DNASE2B: variants seen among roughly 807,000 people sequenced by gnomAD.
DNASE2B encodes deoxyribonuclease 2 beta, also known as deoxyribonuclease-2-beta.
DNASE2B carries 43 observed loss-of-function variants against 46.0 expected under a neutral mutation model. That is an observed-to-expected ratio of 0.94 (90% CI 0.73 to 1.21). The LOEUF is 1.21. Among genes scored for constraint, DNASE2B ranks in the 50% most tolerant of loss-of-function variants. The probability of loss-of-function intolerance (pLI) is 0.00; values close to 1 mark genes in which losing one functional copy is unlikely to be tolerated. For missense variants in DNASE2B, 395 were observed against 414.4 expected (o/e 0.95, Z 0.41); for synonymous variants, 156 against 152.5 (o/e 1.02, Z -0.17).
At chr1:84,412,647 T>A in intron 5 of DNASE2B, 101 bp downstream of exon 5, 4 of 1,168,228 alleles carry the variant, frequency 3.4e-6, no homozygotes, top group Admixed American at 2.7e-5. Flanking sequence ...GAAAGAGAGA[T>A]GAAAAAAGGG....
chr1:84,402,627 T>C lies in DNASE2B; in HGVS notation c.303+549T>C, dbSNP rs376241151. ...CTGGATGGAGATTATCCCTGCTATA[T>C]CTGGACTTTATCAGGCAATGAGCTA... On this transcript the variant is annotated intron_variant, in intron 2 of 5. Transcript: ENST00000370665. Among the ~76,000 whole-genome samples the C allele has an allele frequency of 5.9e-5, 9 of 152,274 alleles. No homozygotes were observed. The East Asian group carries it at 1.2e-3, about 20-fold the overall frequency.
chr1:84,398,666 T>C lies in DNASE2B; in HGVS notation c.102T>C (p.Asn34=), dbSNP rs574718107. 2.5e-6 allele frequency: 4 copies of C among 1,613,702 alleles called. No homozygotes were observed. In the South Asian group the frequency reaches 3.3e-5, roughly 13 times the overall value. The change falls in exon 1 of 6, where the codon AAT becomes AAC. Residue 34 remains asparagine (N), a synonymous_variant. Coordinates refer to ENST00000370665, the MANE Select transcript of DNASE2B (RefSeq NM_021233.3). ...VLGAATISCR[N]EEGKAVDWFT... is the part of the protein sequence containing the mutation. The stretch of plus-strand genomic sequence containing the variant: ...GGGCAGCAACAATTTCATGCAGAAA[T>C]GAAGAAGGGAAAGCTGTGGACTGGT...
intron 4 of DNASE2B, among the ~76,000 whole-genome samples, chr1:84,412,053 C>T (rs974612104): frequency 1.3e-5 from 2 of 152,220 alleles, no homozygotes; most frequent in East Asian, 1.9e-4. Flanking sequence ...TCAGTTAATT[C>T]ATCTATAAAG....
chr1:84,406,898 G>A (rs181051167), intron 2 of DNASE2B, among the ~76,000 whole-genome samples: 5 of 152,274 alleles, frequency 3.3e-5, no homozygotes, highest in Admixed American at 3.3e-4. Flanking sequence ...CCCTTCTCTT[G>A]CCTTTACAAA....
intron 2 of DNASE2B, among the ~76,000 whole-genome samples, chr1:84,403,053 C>T (rs762301377): frequency 6.6e-6 from 1 of 152,132 alleles, no homozygotes; most frequent in Non-Finnish European, 1.5e-5. Flanking sequence ...GCCTTCAGAG[C>T]CAAGCTACAA....
chr1:84,399,835 G>A (rs920969852), intron 1 of DNASE2B, among the ~76,000 whole-genome samples: 8 of 152,140 alleles, frequency 5.3e-5, no homozygotes, highest in African/African-American at 9.7e-5. Context: ...AGGACTTCAC[G>A]CAGGGGTGTG....
chr1:84,398,498 C>G lies in DNASE2B; in HGVS notation c.-67C>G. ...AATCAAACGTCAGAGCCAGCACAGC[C>G]TGAGAGCGCCTTGAAACTCAGACTC... is the stretch of plus-strand genomic sequence containing the variant. On this transcript the variant is annotated 5_prime_UTR_variant, in exon 1 of 6. Transcript: ENST00000370665. 1 of 1,594,994 alleles carries G rather than the reference C, an allele frequency of 6.3e-7. No homozygotes were observed. The highest frequency in any genetic ancestry group is 8.6e-7 in the Non-Finnish European group (1 of 1,169,050).
chr1:84,412,671 GA>G, intron 5 of DNASE2B, 125 bp downstream of exon 5: 2 of 1,015,458 alleles, frequency 2.0e-6, no homozygotes, highest in Non-Finnish European at 2.7e-6. Context: ...AAAAGAAAAG[GA>G]AAAAGGAAAG....
rs755623199 is a variant in DNASE2B at position 84,414,531 on chromosome 1, T to C, written c.749T>C (p.Ile250Thr). The change falls in exon 6 of 6, where the codon ATC (isoleucine) becomes ACC (threonine). Residue 250 changes from isoleucine (I) to threonine (T), a missense_variant. Transcript: ENST00000370665. Reference protein sequence around the residue: ...FAKSDSFLDDIFAAWMAQRLK... With the variant: ...FAKSDSFLDDTFAAWMAQRLK... Reference sequence around the variant, plus strand: ...TCTTTCTCCTCCTAAACCCTAGACATCTTTGCAGCCTGGATGGCTCAACGG... The same window carrying C: ...TCTTTCTCCTCCTAAACCCTAGACACCTTTGCAGCCTGGATGGCTCAACGG... 1.2e-6 allele frequency: 2 copies of C among 1,604,888 alleles called. No individual in the cohort carries two copies. Among genetic ancestry groups the C allele is most frequent in the Admixed American group, 3.4e-5 (2 of 59,030 alleles).
intron 2 of DNASE2B, among the ~76,000 whole-genome samples, chr1:84,406,198 C>T (rs1026046842): frequency 6.6e-6 from 1 of 152,018 alleles, no homozygotes; most frequent in Admixed American, 6.6e-5. Context: ...AATGAAAACG[C>T]CTGCAGCTGC....
chr1:84,402,094 A>G lies in DNASE2B; in HGVS notation c.303+16A>G, dbSNP rs759146904. On this transcript the variant is annotated intron_variant, in intron 2 of 5. Transcript: ENST00000370665. ...TGCCTCTAAGGTATGTTATATAGTT[A>G]ATTGTTCACTTGAATAATATAAAAT... 5.7e-6 allele frequency: 9 copies of G among 1,576,286 alleles called. No homozygotes were observed. The highest frequency in any genetic ancestry group is 7.7e-6 in the Non-Finnish European group (9 of 1,168,400).
intron 2 of DNASE2B, 185 bp from the exon 3 acceptor site, chr1:84,408,252 T>G (rs1680525703): frequency 2.0e-6 from 2 of 994,102 alleles, no homozygotes; most frequent in African/African-American, 3.4e-5. Flanking sequence ...AAAATGGACT[T>G]TCTTTCCCCT....
chr1:84,403,262 A>T (rs1680450427), intron 2 of DNASE2B, among the ~76,000 whole-genome samples: 2 of 152,210 alleles, frequency 1.3e-5, no homozygotes, highest in South Asian at 4.1e-4. Context: ...CTAAAAATTT[A>T]TCTACTAACA....
chr1:84,399,809 G>A (rs1305108724), intron 1 of DNASE2B, among the ~76,000 whole-genome samples: 2 of 151,450 alleles, frequency 1.3e-5, no homozygotes, highest in African/African-American at 4.9e-5. Context: ...ACTTGACATT[G>A]AAAGGGAGCT....
chr1:84,412,207 T>C, intron 4 of DNASE2B, 142 bp from the exon 5 acceptor site: 1 of 699,702 alleles, frequency 1.4e-6, no homozygotes, highest in Non-Finnish European at 2.1e-6. Flanking sequence ...AAAAAGTTAT[T>C]TGAAGGCTAT....
chr1:84,399,873 C>A (rs1306509684), intron 1 of DNASE2B, among the ~76,000 whole-genome samples: 1 of 151,866 alleles, frequency 6.6e-6, no homozygotes, highest in Admixed American at 6.6e-5. Context: ...TTTAGGAAAC[C>A]CATTGGCAGT....
At chr1:84,413,952 C>T (rs571090210) in intron 5 of DNASE2B, among the ~76,000 whole-genome samples, 9 of 152,316 alleles carry the variant, frequency 5.9e-5, no homozygotes, top group African/African-American at 1.9e-4. Flanking sequence ...TGTATTGTAT[C>T]TTCTCCAAAC....
At chr1:84,409,511 G>A (rs1680550575) in intron 3 of DNASE2B, among the ~76,000 whole-genome samples, 1 of 152,158 alleles carries the variant, frequency 6.6e-6, no homozygotes, top group Admixed American at 6.5e-5. Flanking sequence ...GTATCCACAG[G>A]CTGGATTTGG....
chr1:84,404,916 T>TG lies in DNASE2B; in HGVS notation c.303+2839dup, dbSNP rs1300388375. Among the ~76,000 whole-genome samples, 4 of 152,334 alleles carry TG rather than the reference T, an allele frequency of 2.6e-5. No homozygotes were observed. In the East Asian group the frequency reaches 7.7e-4, roughly 29 times the overall value. On this transcript the variant is annotated intron_variant, in intron 2 of 5. Coordinates refer to ENST00000370665, the MANE Select transcript of DNASE2B (RefSeq NM_021233.3). ...ACAGTACAGTTAGTCTGTCCCTTCC[T>TG]GCCTTAAATCCTGATGCTTGCTTCT...
Sources: allele counts gnomAD v4.1 joint callset (sites outside exome capture counted in the v4.1 genomes callset), GRCh38; gene constraint gnomAD v4.1.1; transcripts MANE v1.5; gene names NCBI Gene and HGNC (gene_info 2026-07-23, HGNC 2026-07-21).